CABLES1: variants seen among roughly 807,000 people sequenced by gnomAD.
CABLES1 encodes the protein CDK5 and ABL1 enzyme substrate 1.
CABLES1 carries 36 observed loss-of-function variants against 57.8 expected under a neutral mutation model. The ratio of observed to expected loss-of-function variants is 0.62; its 90% CI spans 0.48 to 0.82. The LOEUF (loss-of-function observed/expected upper bound fraction) is 0.82. CABLES1 is among the 40% of genes least tolerant of loss of function. CABLES1 has a pLI of 0.00. For missense variants in CABLES1, 767 were observed against 836.6 expected, an observed-to-expected ratio of 0.92 and a Z score of 1.03; for synonymous variants, 374 against 363.0, an observed-to-expected ratio of 1.03 and a Z score of -0.35.
intron 1 of CABLES1, among the ~76,000 whole-genome samples, chr18:23,178,312 C>T (rs1373970080): frequency 3.3e-5 from 5 of 152,188 alleles, no homozygotes; most frequent in African/African-American, 1.2e-4. Flanking sequence ...AGGGCCCCTC[C>T]CTCTGGGACG....
At chr18:23,153,589 C>G (rs1024015879) in intron 1 of CABLES1, among the ~76,000 whole-genome samples, 1 of 151,906 alleles carries the variant, frequency 6.6e-6, no homozygotes, top group African/African-American at 2.4e-5. Context: ...TAAATAGTAA[C>G]CAGGCGTGGT....
intron 7 of CABLES1, among the ~76,000 whole-genome samples, chr18:23,250,262 A>G (rs887588609): frequency 2.0e-5 from 3 of 152,208 alleles, no homozygotes; most frequent in African/African-American, 4.8e-5. Context: ...GCCTGCTCAC[A>G]TCATTGCAAA....
rs768051323 is a variant in CABLES1, at chr18:23,257,252, A to AC, written c.1788dup (p.Arg597GlnfsTer8). 6.2e-7 allele frequency: 1 copy of AC among 1,605,018 alleles called. No homozygotes were observed. Among genetic ancestry groups the AC allele is most frequent in the Non-Finnish European group, 8.5e-7 (1 of 1,177,978 alleles). ...AAACTGGAAGAGAAGTTCCGGCTGA[A>AC]CAGGCGAGAACTGATTGCCTTTGAA... On this transcript the variant is annotated frameshift_variant, in exon 10 of 10. Coordinates refer to ENST00000256925, the MANE Select transcript of CABLES1 (RefSeq NM_001100619.3). LOFTEE classifies it high-confidence loss of function.
At chr18:23,182,701 G>C (rs963694605) in intron 1 of CABLES1, among the ~76,000 whole-genome samples, 10 of 152,226 alleles carry the variant, frequency 6.6e-5, no homozygotes, top group Admixed American at 6.5e-4. Flanking sequence ...TCCACGAAGT[G>C]GGCTGGTCCT....
At chr18:23,158,810 C>T (rs746834629) in intron 1 of CABLES1, among the ~76,000 whole-genome samples, 1 of 152,132 alleles carries the variant, frequency 6.6e-6, no homozygotes, top group African/African-American at 2.4e-5. Flanking sequence ...CGCAAAGCAG[C>T]GTAATTGGGT....
chr18:23,214,642 A>T (rs1169613924), intron 4 of CABLES1: 3 of 152,418 alleles, frequency 2.0e-5, no homozygotes, highest in African/African-American at 7.2e-5. Context: ...CTTCATCGCC[A>T]TCCCTGAACA....
intron 3 of CABLES1, among the ~76,000 whole-genome samples, chr18:23,205,302 T>C (rs75347652): frequency 0.077 from 11,654 of 150,446 alleles, 933 homozygotes; most frequent in Admixed American, 0.22. Context: ...CAAGTGATTC[T>C]CCTGCCTCAG....
Position 23,136,363 on chromosome 18 carries a change from G to A in CABLES1, c.601G>A (p.Gly201Arg), listed in dbSNP as rs769904696. The A allele has an allele frequency of 1.3e-6, 2 of 1,515,928 alleles. No homozygotes were observed. The highest frequency in any genetic ancestry group is 2.5e-5 in the South Asian group (2 of 79,708). The allele number at this position is 1,515,928 out of a possible 1,614,324, so 93.9% of individuals were successfully genotyped here. ...CCAACTGCAGCTGCTCGACGGGTCCGGGGCCGCCGGGCAGGAGGAGTTGGA... is the reference window on the plus strand; with the variant it reads ...CCAACTGCAGCTGCTCGACGGGTCCAGGGCCGCCGGGCAGGAGGAGTTGGA... ...CAQLQLLDGS[G>R]AAGQEELEED... is the part of the protein sequence containing the mutation. The change falls in exon 1 of 10, where the codon GGG (glycine) becomes AGG (arginine). Residue 201 changes from glycine (G) to arginine (R), a missense_variant. This residue lies in a region of CABLES1 where 529 missense variants were observed against 622.8 expected (regional missense o/e 0.85). Coordinates refer to ENST00000256925, the MANE Select transcript of CABLES1 (RefSeq NM_001100619.3).
At chr18:23,172,198 G>A (rs942758812) in intron 1 of CABLES1, among the ~76,000 whole-genome samples, 3 of 152,160 alleles carry the variant, frequency 2.0e-5, no homozygotes, top group Non-Finnish European at 4.4e-5. Context: ...TCATATGTAG[G>A]TAATGATAGT....
At chr18:23,251,813 C>T (rs1224887857) in intron 7 of CABLES1, among the ~76,000 whole-genome samples, 16 of 152,110 alleles carry the variant, frequency 1.1e-4, no homozygotes, top group African/African-American at 3.1e-4. Context: ...AGGCCAGGCG[C>T]GGTGGCTCAC....
At chr18:23,141,592 C>T (rs951032183) in intron 1 of CABLES1, among the ~76,000 whole-genome samples, 8 of 152,168 alleles carry the variant, frequency 5.3e-5, no homozygotes, top group African/African-American at 1.7e-4. Flanking sequence ...TTTTGGAGGT[C>T]GGAGTTGTAG....
At chr18:23,223,399 G>A (rs2047504004) in intron 4 of CABLES1, among the ~76,000 whole-genome samples, 1 of 151,942 alleles carries the variant, frequency 6.6e-6, no homozygotes, top group African/African-American at 2.4e-5. Context: ...CCGACATGAT[G>A]AAACCCCGTC....
chr18:23,236,814 G>A (rs1052610857), intron 6 of CABLES1, among the ~76,000 whole-genome samples: 1 of 152,178 alleles, frequency 6.6e-6, no homozygotes, highest in Non-Finnish European at 1.5e-5. Context: ...GAACCTCTTC[G>A]GGGCCACACT....
intron 1 of CABLES1, among the ~76,000 whole-genome samples, chr18:23,180,212 C>T (rs911521024): frequency 6.6e-6 from 1 of 152,134 alleles, no homozygotes; most frequent in Non-Finnish European, 1.5e-5. Context: ...TGAGCCACCG[C>T]GCCTGGCCAA....
In CABLES1 at chr18:23,193,526, C is replaced by T. The variant is rs969677926; in HGVS notation, c.918-922C>T. Among the ~76,000 whole-genome samples the T allele has an allele frequency of 2.6e-5, 4 of 152,204 alleles. No individual in the cohort carries two copies. The East Asian group carries it at 7.7e-4, about 29-fold the overall frequency. ...TTCTTTAGAGTCAAGAATCAGGTCA[C>T]AGGCACCCATGTCCCATGGCAGGAG... On this transcript the variant is annotated intron_variant, in intron 2 of 9. Transcript: ENST00000256925.
At chr18:23,157,886 G>C (rs890697042) in intron 1 of CABLES1, among the ~76,000 whole-genome samples, 1 of 152,140 alleles carries the variant, frequency 6.6e-6, no homozygotes, top group African/African-American at 2.4e-5. Flanking sequence ...CCTGGAGCCA[G>C]ACTGCCCAGG....
intron 1 of CABLES1, among the ~76,000 whole-genome samples, chr18:23,168,250 C>T (rs530872889): frequency 9.9e-5 from 15 of 152,280 alleles, no homozygotes; most frequent in East Asian, 3.9e-4. Context: ...ACGAAAATGA[C>T]GTATACACCC....
intron 1 of CABLES1, among the ~76,000 whole-genome samples, chr18:23,188,190 G>C (rs1367813225): frequency 6.6e-6 from 1 of 152,192 alleles, no homozygotes; most frequent in Non-Finnish European, 1.5e-5. Context: ...TGGTAGACTA[G>C]AGAGGTTTTA....
chr18:23,248,538 T>TTTTTA lies in CABLES1; in HGVS notation c.1447-4422_1447-4421insTTTTA, dbSNP rs1555671608. On this transcript the variant is annotated intron_variant, in intron 7 of 9. Coordinates refer to ENST00000256925, the MANE Select transcript of CABLES1 (RefSeq NM_001100619.3). Reference sequence around the variant, plus strand: ...TTTTTTTTTTTTTTTTTTTTTTTTTTAAAAAAAGGCTGGACGTGGTGGCTC... The same window carrying TTTTTA: ...TTTTTTTTTTTTTTTTTTTTTTTTTTTTTTAAAAAAAAGGCTGGACGTGGTGGCTC... Among the ~76,000 whole-genome samples, 45 of 93,604 alleles carry TTTTTA rather than the reference T, an allele frequency of 4.8e-4. 1 individual carries two copies. The highest frequency in any genetic ancestry group is 1.4e-3 in the African/African-American group (41 of 28,952). The allele number at this position is 93,604 out of a possible 152,430, so 61.4% of individuals were successfully genotyped here.
Sources: allele counts gnomAD v4.1 joint callset (sites outside exome capture counted in the v4.1 genomes callset), GRCh38; gene constraint gnomAD v4.1.1; regional missense constraint gnomAD v4.1.1; transcripts MANE v1.5; gene names NCBI Gene and HGNC (gene_info 2026-07-23, HGNC 2026-07-21).